The following MAGI2 variants were observed in gnomAD, a reference collection of about 807,000 sequenced individuals.
MAGI2 encodes membrane associated guanylate kinase, WW and PDZ domain containing 2.
A neutral mutation model predicts 133.3 loss-of-function variants in MAGI2; 35 were observed. The observed-to-expected ratio is 0.26, with a 90% CI of 0.20 to 0.35. The LOEUF (loss-of-function observed/expected upper bound fraction) is 0.35. Ranked by LOEUF, MAGI2 falls within the 10% of genes least tolerant of loss-of-function variation. The pLI is 1.00. For missense variants in MAGI2, 1,636 were observed against 1,863.4 expected, an observed-to-expected ratio of 0.88 and a Z score of 2.25; for synonymous variants, 729 against 710.6, an observed-to-expected ratio of 1.03 and a Z score of -0.41.
intron 2 of MAGI2, among the ~76,000 whole-genome samples, chr7:78,840,700 C>A (rs1792059659): frequency 6.6e-6 from 1 of 151,926 alleles, no homozygotes; most frequent in Non-Finnish European, 1.5e-5. Context: ...TTACCAACAT[C>A]AAAGAGCTGA....
intron 9 of MAGI2, among the ~76,000 whole-genome samples, chr7:78,299,765 ACC>A (rs1321843654): frequency 5.8e-4 from 88 of 151,910 alleles, no homozygotes; most frequent in African/African-American, 2.1e-3. Flanking sequence ...CTCAACCCCC[ACC>A]CTCCAACAGA....
chr7:79,369,771 T>G (rs2697095), intron 1 of MAGI2, among the ~76,000 whole-genome samples: 75,588 of 151,586 alleles, frequency 0.5, 20,229 homozygotes, highest in African/African-American at 0.7. Context: ...TTGTAAAATT[T>G]TGAAGAGTAT....
intron 1 of MAGI2, among the ~76,000 whole-genome samples, chr7:79,202,617 C>T (rs1828712721): frequency 1.3e-5 from 2 of 151,738 alleles, no homozygotes; most frequent in African/African-American, 2.4e-5. Flanking sequence ...ATTTAAAAAA[C>T]TCATGGGCAA....
intron 2 of MAGI2, among the ~76,000 whole-genome samples, chr7:78,943,089 A>T (rs1801119985): frequency 6.6e-6 from 1 of 152,126 alleles, no homozygotes; most frequent in Admixed American, 6.6e-5. Flanking sequence ...TTAGTATACT[A>T]ATTTGTAAAA....
At chr7:78,687,190 T>C (rs553222080) in intron 2 of MAGI2, among the ~76,000 whole-genome samples, 22 of 152,318 alleles carry the variant, frequency 1.4e-4, no homozygotes, top group Admixed American at 1.2e-3. Context: ...TAAGCAGAGA[T>C]GACTCCTGAG....
At chr7:78,298,855 G>A (rs1797570190) in intron 9 of MAGI2, among the ~76,000 whole-genome samples, 1 of 114,878 alleles carries the variant, frequency 8.7e-6, no homozygotes, top group African/African-American at 3.4e-5. Flanking sequence ...TCGCTCTGTT[G>A]CCCAGGCTGG....
At chr7:79,082,746 T>G (rs1475507507) in intron 1 of MAGI2, among the ~76,000 whole-genome samples, 1 of 152,028 alleles carries the variant, frequency 6.6e-6, no homozygotes, top group African/African-American at 2.4e-5. Flanking sequence ...CATAAAAGAC[T>G]GTTGAGATTT....
intron 3 of MAGI2, among the ~76,000 whole-genome samples, chr7:78,601,986 T>A (rs1234624680): frequency 1.3e-5 from 2 of 152,112 alleles, no homozygotes; most frequent in Non-Finnish European, 2.9e-5. Flanking sequence ...TGAGGAATCA[T>A]CAGTAGAATG....
chr7:79,398,030 C>T (rs1180263897), intron 1 of MAGI2, among the ~76,000 whole-genome samples: 1 of 152,094 alleles, frequency 6.6e-6, no homozygotes, highest in Non-Finnish European at 1.5e-5. Flanking sequence ...TATGTTTTGT[C>T]CATGTGCCTT....
At chr7:79,367,930 G>C (rs1842825460) in intron 1 of MAGI2, among the ~76,000 whole-genome samples, 1 of 143,054 alleles carries the variant, frequency 7.0e-6, no homozygotes, top group Non-Finnish European at 1.5e-5. Context: ...GATAACAAGG[G>C]CTGAATAGAG....
chr7:78,723,027 T>C (rs1406131653), intron 2 of MAGI2, among the ~76,000 whole-genome samples: 1 of 152,100 alleles, frequency 6.6e-6, no homozygotes, highest in African/African-American at 2.4e-5. Flanking sequence ...CTCAGTAAAG[T>C]TGCTAAGAGA....
chr7:78,171,385 G>C (rs60762862), intron 14 of MAGI2, among the ~76,000 whole-genome samples: 1 of 151,966 alleles, frequency 6.6e-6, no homozygotes, highest in South Asian at 2.1e-4. Flanking sequence ...AGGAATCACC[G>C]GGTGAGCTTA....
intron 2 of MAGI2, among the ~76,000 whole-genome samples, chr7:78,977,471 GAAAGA>G (rs1804373782): frequency 1.2e-3 from 1 of 844 alleles, no homozygotes; most frequent in Admixed American, 5.2e-3. Context: ...AAGAAAGAAA[GAAAGA>G]AAGAAAGAAA....
chr7:79,306,603 A>AT (rs978757504), intron 1 of MAGI2, among the ~76,000 whole-genome samples: 1 of 151,930 alleles, frequency 6.6e-6, no homozygotes, highest in Non-Finnish European at 1.5e-5. Flanking sequence ...CATGATGCAG[A>AT]TTTTTTTCTT....
chr7:78,912,681 T>G (rs1253924995), intron 2 of MAGI2, among the ~76,000 whole-genome samples: 1 of 151,214 alleles, frequency 6.6e-6, no homozygotes, highest in Non-Finnish European at 1.5e-5. Context: ...TGGGACCTTG[T>G]GTTCGTGTGA....
At chr7:78,139,920 T>A (rs1451572815) in intron 16 of MAGI2, among the ~76,000 whole-genome samples, 1 of 152,268 alleles carries the variant, frequency 6.6e-6, no homozygotes, top group Admixed American at 6.5e-5. Context: ...TGAACTCTTT[T>A]GGCTCTGCTC....
intron 12 of MAGI2, among the ~76,000 whole-genome samples, chr7:78,189,679 T>C (rs1364928603): frequency 6.6e-6 from 1 of 152,220 alleles, no homozygotes; most frequent in Non-Finnish European, 1.5e-5. Flanking sequence ...GACAGAACCC[T>C]GAGGGAAGAG....
intron 9 of MAGI2, among the ~76,000 whole-genome samples, chr7:78,338,449 A>G (rs1423075489): frequency 6.6e-6 from 1 of 152,180 alleles, no homozygotes; most frequent in South Asian, 2.1e-4. Context: ...CCTGTGTACT[A>G]TTGTTGTACT....
intron 1 of MAGI2, among the ~76,000 whole-genome samples, chr7:79,345,393 T>C (rs549684559): frequency 4.9e-4 from 75 of 152,058 alleles, no homozygotes; most frequent in Non-Finnish European, 6.8e-4. Context: ...CCAACCCTAC[T>C]GACAGTTTGA....
Sources: gnomAD v4.1 joint callset for allele counts (sites outside exome capture counted in the v4.1 genomes callset) on GRCh38, gnomAD v4.1.1 for gene constraint, MANE v1.5 for transcripts, NCBI Gene and HGNC (gene_info 2026-07-23, HGNC 2026-07-21) for gene names.